The following TNNI3K variants were observed in gnomAD, a reference collection of about 807,000 sequenced individuals.
TNNI3K encodes TNNI3 interacting kinase.
A neutral mutation model predicts 114.5 loss-of-function variants in TNNI3K; 140 were observed. That is an observed-to-expected ratio of 1.22 (90% CI 1.07 to 1.41). The LOEUF is 1.41. TNNI3K is among the 40% of genes most tolerant of loss of function. TNNI3K has a pLI of 0.00. For synonymous variants in TNNI3K, 347 were observed against 347.5 expected (o/e 1.00, Z 0.02); for missense variants, 1,125 against 1,007.6 (o/e 1.12, Z -1.58).
intron 21 of TNNI3K, among the ~76,000 whole-genome samples, chr1:74,465,312 G>A (rs1027621691): frequency 3.9e-5 from 6 of 152,328 alleles, no homozygotes; most frequent in Admixed American, 1.3e-4. Context: ...GCTGGCGCTC[G>A]GGTGCCAGCA....
At chr1:74,418,469 A>C (rs2100629204) in intron 17 of TNNI3K, 1 of 156,372 alleles carries the variant, frequency 6.4e-6, no homozygotes, top group East Asian at 1.9e-4. Context: ...ATCTTCAAAA[A>C]CTTATTTGAG....
chr1:74,421,655 T>C (rs947235641), intron 17 of TNNI3K, among the ~76,000 whole-genome samples: 1 of 152,066 alleles, frequency 6.6e-6, no homozygotes, highest in African/African-American at 2.4e-5. Context: ...GGTAGATACT[T>C]CACAAGGATG....
intron 17 of TNNI3K, among the ~76,000 whole-genome samples, chr1:74,394,188 A>C (rs1663952522): frequency 6.6e-6 from 1 of 152,192 alleles, no homozygotes; most frequent in African/African-American, 2.4e-5. Context: ...TATGATCAAA[A>C]TCAATTAATA....
intron 5 of TNNI3K, among the ~76,000 whole-genome samples, chr1:74,315,589 A>G (rs1659261557): frequency 6.6e-6 from 1 of 152,030 alleles, no homozygotes; most frequent in South Asian, 2.1e-4. Context: ...TAGGAAAACA[A>G]GATAGCTTGC....
chr1:74,493,154 A>G (rs1669162125), intron 23 of TNNI3K, among the ~76,000 whole-genome samples: 1 of 152,194 alleles, frequency 6.6e-6, no homozygotes, highest in Admixed American at 6.5e-5. Context: ...AGTCCATAGC[A>G]ATAGGTAAAT....
intron 17 of TNNI3K, among the ~76,000 whole-genome samples, chr1:74,382,300 C>T (rs1663243759): frequency 6.6e-6 from 1 of 152,098 alleles, no homozygotes; most frequent in Non-Finnish European, 1.5e-5. Context: ...TAATGATGTC[C>T]ATGTCTACCT....
intron 21 of TNNI3K, chr1:74,475,574 C>T (rs1271863770): frequency 2.8e-6 from 2 of 717,370 alleles, no homozygotes; most frequent in Non-Finnish European, 5.2e-6. Flanking sequence ...TGGCTATTTT[C>T]CTGTAAAAGT....
chr1:74,302,626 A>G (rs1570440282), intron 5 of TNNI3K, among the ~76,000 whole-genome samples: 1 of 152,204 alleles, frequency 6.6e-6, no homozygotes. Flanking sequence ...AGCAATATGG[A>G]TAGAAAGTCG....
intron 23 of TNNI3K, among the ~76,000 whole-genome samples, chr1:74,516,505 A>G (rs1646350142): frequency 6.6e-6 from 1 of 152,190 alleles, no homozygotes; most frequent in African/African-American, 2.4e-5. Context: ...AAAAACTGTG[A>G]GAAAGAAGTT....
chr1:74,475,436 C>A (rs569340141), intron 21 of TNNI3K: 1 of 717,160 alleles, frequency 1.4e-6, no homozygotes, highest in Admixed American at 2.0e-5. Flanking sequence ...CCAGGAGGCT[C>A]TGAACATTCC....
intron 23 of TNNI3K, among the ~76,000 whole-genome samples, chr1:74,516,005 G>T (rs1646342889): frequency 6.6e-6 from 1 of 152,162 alleles, no homozygotes; most frequent in South Asian, 2.1e-4. Context: ...GAGTAGTACT[G>T]ATGTCTTTAG....
At chr1:74,466,333 C>A (rs1384715194) in intron 21 of TNNI3K, among the ~76,000 whole-genome samples, 1 of 152,066 alleles carries the variant, frequency 6.6e-6, no homozygotes, top group South Asian at 2.1e-4. Flanking sequence ...AGATAACAGG[C>A]ATGTGGAATT....
intron 5 of TNNI3K, among the ~76,000 whole-genome samples, chr1:74,329,283 G>A (rs1352128804): frequency 6.6e-6 from 1 of 152,008 alleles, no homozygotes; most frequent in Non-Finnish European, 1.5e-5. Context: ...GATTACCACT[G>A]ATACACTTGT....
intron 20 of TNNI3K, among the ~76,000 whole-genome samples, chr1:74,445,900 G>T (rs59017319): frequency 6.6e-6 from 1 of 152,094 alleles, no homozygotes; most frequent in African/African-American, 2.4e-5. Context: ...GTGAGCCACC[G>T]TGCCCGGCCG....
intron 5 of TNNI3K, among the ~76,000 whole-genome samples, chr1:74,320,863 A>G (rs78632161): frequency 1.3e-5 from 2 of 152,172 alleles, no homozygotes; most frequent in Admixed American, 1.3e-4. Flanking sequence ...TTCTGAAAAA[A>G]GAGAGGAACA....
intron 20 of TNNI3K, among the ~76,000 whole-genome samples, chr1:74,462,090 C>T (rs560255700): frequency 6.6e-6 from 1 of 152,282 alleles, no homozygotes; most frequent in South Asian, 2.1e-4. Flanking sequence ...ATGGTTTCTT[C>T]TAAATGATAA....
rs531689157 is a variant in TNNI3K at position 74,343,074 on chromosome 1, G to A, written c.828-1G>A. Reference sequence around the variant, plus strand: ...TAACAAGATATTTTCTTCAAATCTAGGGCATGCTACAATGGCAAATTTGAA... The same window carrying A: ...TAACAAGATATTTTCTTCAAATCTAAGGCATGCTACAATGGCAAATTTGAA... On this transcript the variant is annotated splice_acceptor_variant, in intron 8 of 24. Coordinates refer to ENST00000326637, the MANE Select transcript of TNNI3K (RefSeq NM_015978.3). LOFTEE classifies it high-confidence loss of function. The A allele has an allele frequency of 2.5e-6, 4 of 1,613,256 alleles. No individual in the cohort carries two copies. In the African/African-American group the frequency reaches 5.3e-5, roughly 22 times the overall value.
At chr1:74,396,605 G>A (rs116009875) in intron 17 of TNNI3K, among the ~76,000 whole-genome samples, 2,748 of 152,232 alleles carry the variant, frequency 0.018, 61 homozygotes, top group African/African-American at 0.052. Context: ...GACAGCATCC[G>A]CCCGGGCAAG....
At chr1:74,417,696 G>T (rs1332189923) in intron 17 of TNNI3K, among the ~76,000 whole-genome samples, 2 of 20,028 alleles carry the variant, frequency 1.0e-4, no homozygotes, top group Non-Finnish European at 2.5e-4. Flanking sequence ...GTGTGTGTGT[G>T]TGTGTGTGTG....
Sources: allele counts gnomAD v4.1 joint callset (sites outside exome capture counted in the v4.1 genomes callset), GRCh38; gene constraint gnomAD v4.1.1; transcripts MANE v1.5; gene names NCBI Gene and HGNC (gene_info 2026-07-23, HGNC 2026-07-21).